UNC93B1: variants seen among roughly 807,000 people sequenced by gnomAD.
The protein encoded by UNC93B1 is unc-93B1 regulator of TLR signaling.
UNC93B1 carries 33 observed loss-of-function variants against 56.8 expected under a neutral mutation model. The observed-to-expected ratio is 0.58, with a 90% CI of 0.44 to 0.78. The LOEUF is 0.78. Ranked by LOEUF, UNC93B1 falls within the 30% of genes least tolerant of loss-of-function variation. UNC93B1 has a pLI of 0.00. For synonymous variants in UNC93B1, 334 were observed against 358.6 expected (o/e 0.93, Z 0.77); for missense variants, 673 against 819.5 (o/e 0.82, Z 2.18).
At position 68,003,589 on chromosome 11, in the gene UNC93B1, G is replaced by C. The variant is rs961418578; in HGVS notation, c.238+68C>G. The C allele has an allele frequency of 1.4e-6, 2 of 1,475,720 alleles. No homozygotes were observed. Among genetic ancestry groups the C allele is most frequent in the Non-Finnish European group, 9.0e-7 (1 of 1,116,638 alleles). The allele number at this position is 1,475,720 out of a possible 1,614,324, so 91.4% of individuals were successfully genotyped here. ...GAGAGCGGGCGGGAGGCGGCGGCCC[G>C]CGGTTTCTGTTTCCCGGGCCGGGCT... On this transcript the variant is annotated intron_variant, in intron 2 of 10. Transcript: ENST00000227471. This position sits in a 1 kb window ranked among gnomAD's most constrained non-coding sequence, Gnocchi z 4.4.
chr11:68,003,549 C>T lies in UNC93B1; in HGVS notation c.238+108G>A. The T allele has an allele frequency of 1.4e-6, 2 of 1,402,268 alleles. No individual in the cohort carries two copies. The highest frequency in any genetic ancestry group is 1.9e-6 in the Non-Finnish European group (2 of 1,075,188). The allele number at this position is 1,402,268 out of a possible 1,614,324, so 86.9% of individuals were successfully genotyped here. On this transcript the variant is annotated intron_variant, in intron 2 of 10. Transcript: ENST00000227471. This position sits in a 1 kb window ranked among gnomAD's most constrained non-coding sequence, Gnocchi z 4.4. ...GGGGCCGTGGCTGCAGCTGCGAGGG[C>T]AGCGGAGGGGAAGTGAGAGCGGGCG...
chr11:67,999,135 T>A, intron 5 of UNC93B1, 38 bp downstream of exon 5: 1 of 1,612,756 alleles, frequency 6.2e-7, no homozygotes, highest in Non-Finnish European at 8.5e-7. Flanking sequence ...TGCGTGGGTC[T>A]GCCCCTGCCA....
rs1857008651 is a variant in UNC93B1 at position 67,999,527 on chromosome 11, G to A, written c.546C>T (p.Tyr182=). 2 of 1,553,610 alleles carry A rather than the reference G, an allele frequency of 1.3e-6. No homozygotes were observed. The highest frequency in any genetic ancestry group is 1.7e-6 in the Non-Finnish European group (2 of 1,148,338). The change falls in exon 4 of 11, where the codon TAC becomes TAT. Residue 182 remains tyrosine (Y), a synonymous_variant. Coordinates refer to ENST00000227471, the MANE Select transcript of UNC93B1 (RefSeq NM_030930.4). ...IVPLWASMGN[Y]ITRMAQKYHE... ...CTGCCCACCAGGCTCACCTGGTGAT[G>A]TAGTTGCCCATGGAAGCCCAAAGAG...
At chr11:67,997,024 T>G (rs1856959802) in intron 7 of UNC93B1, among the ~76,000 whole-genome samples, 1 of 150,852 alleles carries the variant, frequency 6.6e-6, no homozygotes, top group Admixed American at 6.6e-5. Flanking sequence ...TGGTCTTGCC[T>G]CCCAGCCCAA....
intron 9 of UNC93B1, among the ~76,000 whole-genome samples, chr11:67,994,574 C>T (rs562576927): frequency 5.3e-5 from 8 of 152,226 alleles, no homozygotes; most frequent in African/African-American, 1.2e-4. Flanking sequence ...CGGGGTTCAC[C>T]GGAGGAGATG....
chr11:67,993,146 G>A (rs536866898), intron 10 of UNC93B1, among the ~76,000 whole-genome samples: 226 of 152,084 alleles, frequency 1.5e-3, no homozygotes, highest in South Asian at 7.7e-3. Flanking sequence ...CTGCCACCAC[G>A]CCCGGCTAAT....
rs866372411 is a variant in UNC93B1 at position 67,996,850 on chromosome 11, G to T, written c.907-66C>A. The T allele has an allele frequency of 1.2e-5, 18 of 1,442,568 alleles. No homozygotes were observed. In the African/African-American group the frequency reaches 2.6e-4, roughly 21 times the overall value. The allele number at this position is 1,442,568 out of a possible 1,614,324, so 89.4% of individuals were successfully genotyped here. On this transcript the variant is annotated intron_variant, in intron 7 of 10. Coordinates refer to ENST00000227471, the MANE Select transcript of UNC93B1 (RefSeq NM_030930.4). Reference sequence around the variant, plus strand: ...GGCCTGGCCTCCAGGCTTCAGCCCCGCCCTTCAGATGCACCACGTGCCTGG... The same window carrying T: ...GGCCTGGCCTCCAGGCTTCAGCCCCTCCCTTCAGATGCACCACGTGCCTGG...
chr11:68,003,107 C>A lies in UNC93B1; in HGVS notation c.307G>T (p.Gly103Trp). 6.2e-7 allele frequency: 1 copy of A among 1,613,558 alleles called. No individual in the cohort carries two copies. The highest frequency in any genetic ancestry group is 8.5e-7 in the Non-Finnish European group (1 of 1,179,820). ...ATTTTGCTGTCGATGTCGGGCAGCC[C>A]CATGTTGCCATACTTCACCTCGCGG... is the stretch of plus-strand genomic sequence containing the variant. ...TYREVKYGNM[G>W]LPDIDSKMLM... Residue 103 changes from glycine to tryptophan, a missense_variant, in exon 3 of 11, where the codon GGG becomes TGG. Transcript: ENST00000227471. The surrounding 1 kb of genome is among the most constrained non-coding windows in gnomAD (Gnocchi z 4.4).
chr11:67,992,408 C>T (rs2375170), intron 10 of UNC93B1, among the ~76,000 whole-genome samples: 19 of 151,226 alleles, frequency 1.3e-4, no homozygotes, highest in Non-Finnish European at 2.8e-4. Context: ...CGCAGTGGCA[C>T]GCTCACTTCA....
In UNC93B1 at chr11:67,993,559, C is replaced by T. The variant is rs1464323326; in HGVS notation, c.1482+117G>A. The stretch of plus-strand genomic sequence containing the variant: ...CACCCAGTGGGCTGCAGGAATGGGG[C>T]CTTGGCCCAGAGACTGGCTTGGGAA... On this transcript the variant is annotated intron_variant, in intron 10 of 10. Transcript: ENST00000227471. 24 of 703,822 alleles carry T rather than the reference C, an allele frequency of 3.4e-5. No homozygotes were observed. The East Asian group carries it at 6.0e-4, about 18-fold the overall frequency. 43.6% of individuals were successfully genotyped at this position (703,822 alleles called of 1,614,324 possible). A position where few individuals can be genotyped will look rare whatever the true frequency, so the allele number is the denominator to read the frequency against.
chr11:67,998,335 C>T (rs1244895636), intron 6 of UNC93B1, 24 bp downstream of exon 6: 1 of 1,613,568 alleles, frequency 6.2e-7, no homozygotes, highest in Non-Finnish European at 8.5e-7. Flanking sequence ...GTGGACTCCT[C>T]CCCAACCCCC....
At position 67,995,611 on chromosome 11, in the gene UNC93B1, T is replaced by C. The variant is rs1184650109; in HGVS notation, c.1363A>G (p.Thr455Ala). The C allele has an allele frequency of 4.3e-6, 4 of 937,338 alleles. No individual in the cohort carries two copies. Among genetic ancestry groups the C allele is most frequent in the East Asian group, 7.4e-5 (1 of 13,598 alleles). The allele number at this position is 937,338 out of a possible 1,614,324, so 58.1% of individuals were successfully genotyped here. Residue 455 changes from threonine (T) to alanine (A), a missense_variant and splice_region_variant, in exon 9 of 11, where the codon ACA (threonine) becomes GCA (alanine). By Grantham distance (58) the Thr-to-Ala change is moderately conservative. Around this residue, in one of 3 missense-constraint regions of UNC93B1, gnomAD observed 155 missense variants for 268.3 expected, o/e 0.58. Coordinates refer to ENST00000227471, the MANE Select transcript of UNC93B1 (RefSeq NM_030930.4). The part of the protein sequence containing the change: ...GSALNKTGLS[T>A]LLGILYEDKE... ...CCCCAGTGCCCACAGCTATACTCACTGCTGAGTCCAGTCTTGTTCAGGGCA... is the reference window on the plus strand; with the variant it reads ...CCCCAGTGCCCACAGCTATACTCACCGCTGAGTCCAGTCTTGTTCAGGGCA...
At chr11:67,997,468 C>T in intron 7 of UNC93B1, 2 of 826,452 alleles carry the variant, frequency 2.4e-6, no homozygotes, top group South Asian at 1.8e-5. Flanking sequence ...GGACCACAGG[C>T]CTCAGCCCCG....
chr11:68,003,926 C>G lies in UNC93B1; in HGVS notation c.96+22G>C, dbSNP rs1222366255. 10 of 1,365,576 alleles carry G rather than the reference C, an allele frequency of 7.3e-6. No individual in the cohort carries two copies. In the Admixed American group the frequency reaches 8.2e-5, roughly 11 times the overall value. The allele number at this position is 1,365,576 out of a possible 1,614,324, so 84.6% of individuals were successfully genotyped here. A position where few individuals can be genotyped will look rare whatever the true frequency, so the allele number is the denominator to read the frequency against. On this transcript the variant is annotated intron_variant, in intron 1 of 10. Coordinates refer to ENST00000227471, the MANE Select transcript of UNC93B1 (RefSeq NM_030930.4). This position sits in a 1 kb window ranked among gnomAD's most constrained non-coding sequence, Gnocchi z 4.4. ...TGGCCCACAGGGGACGCCCGCGCCTCGCACTCCGGGTCCCCGCTCACCGGG... is the reference window on the plus strand; with the variant it reads ...TGGCCCACAGGGGACGCCCGCGCCTGGCACTCCGGGTCCCCGCTCACCGGG...
chr11:67,997,699 T>G lies in UNC93B1; in HGVS notation c.882A>C (p.Ala294=), dbSNP rs917265168. 1 of 1,606,968 alleles carries G rather than the reference T, an allele frequency of 6.2e-7. No individual in the cohort carries two copies. The highest frequency in any genetic ancestry group is 8.5e-7 in the Non-Finnish European group (1 of 1,179,852). ...NLIVVESVLM[A]VAFLAMLLVL... is the part of the protein sequence containing the mutation. ...CCAGCAGCATGGCCAGGAAGGCCACTGCCATGAGCACGCTCTCCACCACAA... is the reference window on the plus strand; with the variant it reads ...CCAGCAGCATGGCCAGGAAGGCCACGGCCATGAGCACGCTCTCCACCACAA... The change falls in exon 7 of 11, where the codon GCA becomes GCC. Residue 294 remains alanine (A), a synonymous_variant. Coordinates refer to ENST00000227471, the MANE Select transcript of UNC93B1 (RefSeq NM_030930.4).
intron 9 of UNC93B1, among the ~76,000 whole-genome samples, chr11:67,994,498 C>G (rs1212352885): frequency 2.6e-5 from 4 of 152,182 alleles, no homozygotes; most frequent in Admixed American, 1.3e-4. Context: ...TATGAACACT[C>G]CTGTTTTGGG....
In UNC93B1 at chr11:67,991,586, T is replaced by C; in HGVS notation, c.1754A>G (p.Tyr585Cys). 2.0e-6 allele frequency: 3 copies of C among 1,495,054 alleles called. No homozygotes were observed. Among genetic ancestry groups the C allele is most frequent in the Non-Finnish European group, 2.7e-6 (3 of 1,129,978 alleles). The allele number at this position is 1,495,054 out of a possible 1,614,324, so 92.6% of individuals were successfully genotyped here. The change falls in exon 11 of 11, where the codon TAC becomes TGC. Residue 585 changes from tyrosine to cysteine, a missense_variant. Tyr to Cys is a radical substitution (Grantham distance 194). Around this residue, in one of 3 missense-constraint regions of UNC93B1, gnomAD observed 80 missense variants for 85.3 expected, o/e 0.94. Coordinates refer to ENST00000227471, the MANE Select transcript of UNC93B1 (RefSeq NM_030930.4). ...CCCGTCTCCCCCCTGCGCCTGTTCG[T>C]ACGGGCAGGGCCGGCGGCCGAGTCC... ...PAGLGRRPCP[Y>C]EQAQGGDGPE...
intron 8 of UNC93B1, 119 bp downstream of exon 8, chr11:67,996,483 T>C (rs1439343669): frequency 2.5e-5 from 32 of 1,299,490 alleles, no homozygotes; most frequent in Non-Finnish European, 7.2e-6. Context: ...AGGGGGATAT[T>C]TGGGATATAC....
At chr11:67,998,033 T>G (rs1172611944) in intron 6 of UNC93B1, among the ~76,000 whole-genome samples, 1 of 152,212 alleles carries the variant, frequency 6.6e-6, no homozygotes, top group Non-Finnish European at 1.5e-5. Flanking sequence ...CTTCCCACCC[T>G]ATTTCCCCAA....
Sources: allele counts gnomAD v4.1 joint callset (sites outside exome capture counted in the v4.1 genomes callset), GRCh38; gene constraint gnomAD v4.1.1; regional missense constraint gnomAD v4.1.1; non-coding constraint Gnocchi (gnomAD v3.1); transcripts MANE v1.5; gene names NCBI Gene and HGNC (gene_info 2026-07-23, HGNC 2026-07-21).